Variants in SMYD3 observed in about 807,000 individuals in gnomAD.
SMYD3 encodes the protein SET and MYND domain containing 3.
In SMYD3, 36 loss-of-function variants were observed where a neutral mutation model predicts 57.7. The ratio of observed to expected loss-of-function variants is 0.62; its 90% CI spans 0.48 to 0.82. The LOEUF is 0.82. Among genes scored for constraint, SMYD3 ranks in the 40% least tolerant of loss-of-function variants. SMYD3 has a pLI of 0.00. For missense variants in SMYD3, 515 were observed against 538.8 expected (o/e 0.96, Z 0.44); for synonymous variants, 211 against 195.0 (o/e 1.08, Z -0.68).
intron 2 of SMYD3, among the ~76,000 whole-genome samples, chr1:246,345,340 C>T (rs920287042): frequency 5.3e-5 from 8 of 152,058 alleles, no homozygotes; most frequent in African/African-American, 1.9e-4. Flanking sequence ...TATGTTGGCA[C>T]CTTTGTTGAA....
chr1:246,169,673 G>T (rs2062293467), intron 5 of SMYD3, among the ~76,000 whole-genome samples: 1 of 152,076 alleles, frequency 6.6e-6, no homozygotes, highest in Non-Finnish European at 1.5e-5. Context: ...TTCGGCCAAG[G>T]CAGGCGGATC....
chr1:245,948,263 C>T (rs191111697), intron 5 of SMYD3, among the ~76,000 whole-genome samples: 83 of 152,170 alleles, frequency 5.5e-4, no homozygotes, highest in African/African-American at 1.5e-3. Context: ...AACAGCAGGA[C>T]GGAATCACAA....
intron 5 of SMYD3, among the ~76,000 whole-genome samples, chr1:246,257,832 G>A (rs372780108): frequency 1.4e-4 from 22 of 152,250 alleles, no homozygotes; most frequent in East Asian, 1.4e-3. Context: ...CTCCAGTGTT[G>A]GAAGTGGGAC....
chr1:246,214,757 A>C (rs1373418909), intron 5 of SMYD3, among the ~76,000 whole-genome samples: 1 of 152,180 alleles, frequency 6.6e-6, no homozygotes, highest in Non-Finnish European at 1.5e-5. Context: ...ACAGTCCTAA[A>C]AATCAAGAAA....
At chr1:246,496,947 A>G (rs1011586058) in intron 1 of SMYD3, among the ~76,000 whole-genome samples, 2 of 152,234 alleles carry the variant, frequency 1.3e-5, no homozygotes, top group African/African-American at 4.8e-5. Context: ...TTTAAAAAGG[A>G]AACATTCTTG....
chr1:246,288,241 T>C lies in SMYD3; in HGVS notation c.531+38960A>G, dbSNP rs202104427. On this transcript the variant is annotated intron_variant, in intron 5 of 11. Coordinates refer to ENST00000490107, the MANE Select transcript of SMYD3 (RefSeq NM_001167740.2). ...GGTGTGTACCACCACGCCTGGCTAA[T>C]TGTTGTATTTTCAGTAGAGACGGGG... Among the ~76,000 whole-genome samples the C allele has an allele frequency of 1.0e-3, 157 of 152,014 alleles. 2 individuals carry two copies. Among genetic ancestry groups the C allele is most frequent in the East Asian group, 1.7e-3 (9 of 5,172 alleles).
intron 5 of SMYD3, among the ~76,000 whole-genome samples, chr1:246,314,411 A>G (rs1401199255): frequency 1.3e-5 from 2 of 152,216 alleles, no homozygotes; most frequent in Admixed American, 6.5e-5. Context: ...ACTTAAATAT[A>G]GTGTGACCTT....
chr1:246,503,192 G>T (rs1890154), intron 1 of SMYD3, among the ~76,000 whole-genome samples: 149,237 of 152,312 alleles, frequency 0.98, 73,125 homozygotes, highest in East Asian at 1. Context: ...TCCCCCCGCT[G>T]CCCACAATCC....
chr1:245,793,081 CG>C (rs1558343972), intron 10 of SMYD3, among the ~76,000 whole-genome samples: 9 of 62,580 alleles, frequency 1.4e-4, no homozygotes, highest in East Asian at 9.3e-4. Context: ...GAGGCCGAGG[CG>C]GGTGATCACG....
At chr1:245,985,524 C>A (rs374263676) in intron 5 of SMYD3, among the ~76,000 whole-genome samples, 1 of 152,158 alleles carries the variant, frequency 6.6e-6, no homozygotes, top group Admixed American at 6.5e-5. Context: ...CATGTCCTTA[C>A]GTCTCAAGCA....
intron 5 of SMYD3, among the ~76,000 whole-genome samples, chr1:246,054,178 G>T (rs977956239): frequency 3.3e-5 from 5 of 152,110 alleles, no homozygotes; most frequent in African/African-American, 1.2e-4. Context: ...ATAAGCAGTA[G>T]CATTAACTAA....
chr1:246,303,108 G>A (rs1200027914), intron 5 of SMYD3, among the ~76,000 whole-genome samples: 1 of 152,210 alleles, frequency 6.6e-6, no homozygotes, highest in Non-Finnish European at 1.5e-5. Context: ...ATGCTCTCAA[G>A]TCAGGCTGCC....
At chr1:246,232,999 C>T (rs1351407755) in intron 5 of SMYD3, among the ~76,000 whole-genome samples, 3 of 135,998 alleles carry the variant, frequency 2.2e-5, no homozygotes, top group Admixed American at 7.6e-5. Context: ...AGAGGAGAAG[C>T]GCTCCTTCAA....
chr1:246,248,808 A>AT (rs1164274725), intron 5 of SMYD3, among the ~76,000 whole-genome samples: 6,490 of 90,400 alleles, frequency 0.072, 488 homozygotes, highest in African/African-American at 0.13. Flanking sequence ...TGCCCGGCTA[A>AT]TTTTTTTTTT....
At chr1:245,988,165 C>A (rs1222749755) in intron 5 of SMYD3, among the ~76,000 whole-genome samples, 2 of 151,800 alleles carry the variant, frequency 1.3e-5, no homozygotes, top group Non-Finnish European at 2.9e-5. Context: ...CCAGTCCTAA[C>A]CACAGGGCTA....
intron 1 of SMYD3, among the ~76,000 whole-genome samples, chr1:246,388,146 T>C (rs1448529693): frequency 3.6e-5 from 3 of 82,718 alleles, no homozygotes; most frequent in African/African-American, 1.5e-4. Flanking sequence ...GACCTCCTTG[T>C]AGAAAGCATT....
intron 5 of SMYD3, among the ~76,000 whole-genome samples, chr1:246,012,456 G>A (rs1251823591): frequency 1.3e-5 from 2 of 152,130 alleles, no homozygotes; most frequent in African/African-American, 2.4e-5. Context: ...TAAACAACAG[G>A]TGGCAGTGTC....
Position 246,335,299 on chromosome 1 carries a change from C to T in SMYD3, c.336+68G>A, listed in dbSNP as rs554733337. ...GAACCTGCAACATCTCTGAGGTATACCGGAAAATGCAATTGCATATGTTTA... is the reference window on the plus strand; with the variant it reads ...GAACCTGCAACATCTCTGAGGTATATCGGAAAATGCAATTGCATATGTTTA... On this transcript the variant is annotated intron_variant, in intron 3 of 11. Transcript: ENST00000490107. 21 of 1,337,070 alleles carry T rather than the reference C, an allele frequency of 1.6e-5. No homozygotes were observed. In the Middle Eastern group the frequency reaches 9.1e-4, roughly 58 times the overall value. The allele number at this position is 1,337,070 out of a possible 1,614,324, so 82.8% of individuals were successfully genotyped here. A position where few individuals can be genotyped will look rare whatever the true frequency, so the allele number is the denominator to read the frequency against.
Position 246,027,684 on chromosome 1 carries a change from T to C in SMYD3, c.532-97747A>G, listed in dbSNP as rs987513936. Among the ~76,000 whole-genome samples, 4 of 152,208 alleles carry C rather than the reference T, an allele frequency of 2.6e-5. No homozygotes were observed. In the East Asian group the frequency reaches 7.7e-4, roughly 29 times the overall value. ...TGTTGATTGACAACGCACCTAGTCA[T>C]CCAAGAGCTCCGATGGAGATGTACA... On this transcript the variant is annotated intron_variant, in intron 5 of 11. Coordinates refer to ENST00000490107, the MANE Select transcript of SMYD3 (RefSeq NM_001167740.2).
Sources: allele counts gnomAD v4.1 joint callset (sites outside exome capture counted in the v4.1 genomes callset), GRCh38; gene constraint gnomAD v4.1.1; transcripts MANE v1.5; gene names NCBI Gene and HGNC (gene_info 2026-07-23, HGNC 2026-07-21).